Variants in PSMD11 observed in about 807,000 individuals in gnomAD.
PSMD11 encodes the protein 26S proteasome non-ATPase regulatory subunit 11.
PSMD11 carries 5 observed loss-of-function variants against 62.3 expected under a neutral mutation model. The observed-to-expected ratio is 0.08, with a 90% CI of 0.04 to 0.17. The LOEUF is 0.17. Among genes scored for constraint, PSMD11 ranks in the 10% least tolerant of loss-of-function variants. The pLI is 1.00. For synonymous variants in PSMD11, 191 were observed against 191.8 expected (o/e 1.00, Z 0.03); for missense variants, 310 against 512.9 (o/e 0.60, Z 3.82).
chr17:32,482,699 T>C lies in PSMD11; in HGVS notation c.*1947T>C, dbSNP rs1908537920. On this transcript the variant is annotated 3_prime_UTR_variant, in exon 14 of 14. Coordinates refer to ENST00000261712, the MANE Select transcript of PSMD11 (RefSeq NM_002815.4). ...AGGATGCTGCTTCCTTGGCAGGTGATTGTGATGTGAAGCTTAGTAAGTCAT... is the reference window on the plus strand; with the variant it reads ...AGGATGCTGCTTCCTTGGCAGGTGACTGTGATGTGAAGCTTAGTAAGTCAT... The C allele has an allele frequency of 6.6e-6, 1 of 152,288 alleles. No individual in the cohort carries two copies. The highest frequency in any genetic ancestry group is 2.4e-5 in the African/African-American group (1 of 41,460). The allele number at this position is 152,288 out of a possible 1,614,324, so 9.4% of individuals were successfully genotyped here. A position where few individuals can be genotyped will look rare whatever the true frequency, so the allele number is the denominator to read the frequency against.
At chr17:32,459,995 G>GGAAAGAATA (rs1215117039) in intron 3 of PSMD11, among the ~76,000 whole-genome samples, 80 of 152,250 alleles carry the variant, frequency 5.3e-4, no homozygotes, top group Non-Finnish European at 2.2e-4. Context: ...GTCATAGGTG[G>GGAAAGAATA]GAAAGAATAG....
chr17:32,474,421 C>A (rs559880745), intron 7 of PSMD11, among the ~76,000 whole-genome samples: 1 of 152,328 alleles, frequency 6.6e-6, no homozygotes, highest in South Asian at 2.1e-4. Context: ...TAAGAACTCT[C>A]TCTGGATCTT....
In PSMD11 at chr17:32,467,187, C is replaced by T. The variant is rs547703851; in HGVS notation, c.449-1812C>T. The stretch of plus-strand genomic sequence containing the variant: ...CTCGAACTCTTGACTTAGTGATCTG[C>T]CCGCCTTGGCCTCCCAAAGTTCTAG... On this transcript the variant is annotated intron_variant, in intron 5 of 13. Coordinates refer to ENST00000261712, the MANE Select transcript of PSMD11 (RefSeq NM_002815.4). Among the ~76,000 whole-genome samples, 4 of 152,022 alleles carry T rather than the reference C, an allele frequency of 2.6e-5. No individual in the cohort carries two copies. The South Asian group carries it at 8.3e-4, about 32-fold the overall frequency.
At chr17:32,472,842 CTTTT>C (rs74197607) in intron 6 of PSMD11, among the ~76,000 whole-genome samples, 1 of 125,016 alleles carries the variant, frequency 8.0e-6, no homozygotes, top group Admixed American at 8.1e-5. Flanking sequence ...CGGCCTTTTT[CTTTT>C]TTTTTTTTTT....
chr17:32,472,771 A>T (rs867351070), intron 6 of PSMD11, among the ~76,000 whole-genome samples: 2 of 151,236 alleles, frequency 1.3e-5, no homozygotes, highest in Middle Eastern at 6.9e-3. Context: ...TCCTGACCTC[A>T]GATGACCCTC....
At chr17:32,445,781 A>G (rs1489929029) in intron 1 of PSMD11, 1 of 152,240 alleles carries the variant, frequency 6.6e-6, no homozygotes, top group East Asian at 1.9e-4. Flanking sequence ...AGAAAGGACA[A>G]TGACAAGATC....
intron 10 of PSMD11, 108 bp from the exon 11 acceptor site, chr17:32,479,743 C>A: frequency 1.5e-6 from 2 of 1,328,982 alleles, no homozygotes; most frequent in Non-Finnish European, 2.1e-6. Flanking sequence ...GAGGGTCTTA[C>A]ATTAGAATTT....
At chr17:32,472,866 A>C (rs1908208816) in intron 6 of PSMD11, among the ~76,000 whole-genome samples, 1 of 140,936 alleles carries the variant, frequency 7.1e-6, no homozygotes, top group African/African-American at 2.7e-5. Context: ...TTTTTAAGAG[A>C]CAAGGTCGGC....
intron 1 of PSMD11, 109 bp from the exon 2 acceptor site, chr17:32,446,836 C>A: frequency 1.9e-4 from 49 of 260,368 alleles, no homozygotes; most frequent in Non-Finnish European, 2.2e-4. Context: ...TAGAATTTGT[C>A]TTTTGGTAAA....
chr17:32,474,659 C>A, intron 7 of PSMD11, 105 bp from the exon 8 acceptor site: 2 of 1,105,316 alleles, frequency 1.8e-6, no homozygotes, highest in Non-Finnish European at 1.4e-6. Flanking sequence ...TCTGTGTGGG[C>A]AGAGTCTTTA....
rs189780911 is a variant in PSMD11 at position 32,455,037 on chromosome 17, A to G, written c.318+418A>G. On this transcript the variant is annotated intron_variant, in intron 3 of 13. Coordinates refer to ENST00000261712, the MANE Select transcript of PSMD11 (RefSeq NM_002815.4). ...TTTATTGAGGGGTGAGCATCCATCC[A>G]TTTGTGTCTCATTGTGCAGAAGTGA... Among the ~76,000 whole-genome samples the G allele has an allele frequency of 4.6e-5, 7 of 152,236 alleles. No homozygotes were observed. The East Asian group carries it at 1.2e-3, about 25-fold the overall frequency.
chr17:32,445,094 C>G, intron 1 of PSMD11: 1 of 157,390 alleles, frequency 6.4e-6, no homozygotes, highest in South Asian at 1.7e-4. Flanking sequence ...GCTTGCTCTT[C>G]TCTGGGAGTT....
chr17:32,459,287 C>G (rs1176376096), intron 3 of PSMD11, among the ~76,000 whole-genome samples: 1 of 151,898 alleles, frequency 6.6e-6, no homozygotes, highest in East Asian at 1.9e-4. Flanking sequence ...GGTATGCTCA[C>G]AGCTCACTGC....
chr17:32,480,166 A>T lies in PSMD11; in HGVS notation c.1095A>T (p.Leu365Phe). 6.2e-7 allele frequency: 1 copy of T among 1,614,022 alleles called. No homozygotes were observed. The highest frequency in any genetic ancestry group is 8.5e-7 in the Non-Finnish European group (1 of 1,179,844). ...TTTAGGCCGACGTGGAAAGGAAATT[A>T]TCACAGATGATTCTTGACAAGAAAT... is the stretch of plus-strand genomic sequence containing the variant. ...KLSKADVERK[L>F]SQMILDKKFH... Residue 365 changes from leucine to phenylalanine, a missense_variant, in exon 12 of 14, where the codon TTA becomes TTT. Physicochemically the swap from Leu to Phe is conservative, Grantham distance 22. Around this residue, in one of 6 missense-constraint regions of PSMD11, gnomAD observed 135 missense variants for 195.4 expected, o/e 0.69. Transcript: ENST00000261712.
rs771776678 is a variant in PSMD11, at chr17:32,454,733, G to A, written c.318+114G>A. The A allele has an allele frequency of 5.7e-5, 65 of 1,133,070 alleles. No individual in the cohort carries two copies. In the Admixed American group the frequency reaches 6.9e-4, roughly 12 times the overall value. 70.2% of individuals were successfully genotyped at this position (1,133,070 alleles called of 1,614,324 possible). On this transcript the variant is annotated intron_variant, in intron 3 of 13. Transcript: ENST00000261712. ...TGGAAGGGAAAACTGGGAGGACAGC[G>A]CAGGACTTATCATGTCAGTTTCTCT...
intron 13 of PSMD11, 57 bp from the exon 14 acceptor site, chr17:32,480,696 C>T (rs770802560): frequency 7.0e-6 from 11 of 1,570,912 alleles, no homozygotes; most frequent in Non-Finnish European, 9.6e-6. Context: ...AGACTGAAAA[C>T]CTCCTCCTGG....
chr17:32,450,105 C>T (rs1907445320), intron 2 of PSMD11, among the ~76,000 whole-genome samples: 2 of 152,084 alleles, frequency 1.3e-5, no homozygotes, highest in African/African-American at 2.4e-5. Flanking sequence ...GAACTACAGG[C>T]GCCCACCACC....
chr17:32,480,068 C>T (rs1242194561), intron 11 of PSMD11, 78 bp from the exon 12 acceptor site: 3 of 1,546,336 alleles, frequency 1.9e-6, no homozygotes, highest in South Asian at 1.1e-5. Flanking sequence ...GCCTAAGACC[C>T]CTCCAACAAA....
intron 2 of PSMD11, among the ~76,000 whole-genome samples, chr17:32,448,208 CTT>C (rs992299096): frequency 6.6e-6 from 1 of 151,844 alleles, no homozygotes; most frequent in African/African-American, 2.4e-5. Context: ...AGATAACTAA[CTT>C]ATTAATTATT....
Sources: gnomAD v4.1 joint callset for allele counts (sites outside exome capture counted in the v4.1 genomes callset) on GRCh38, gnomAD v4.1.1 for gene constraint, gnomAD v4.1.1 regional missense constraint, MANE v1.5 for transcripts, NCBI Gene and HGNC (gene_info 2026-07-23, HGNC 2026-07-21) for gene names.